The following CTNNA2 variants were observed in gnomAD, a reference collection of about 807,000 sequenced individuals.
The protein encoded by CTNNA2 is catenin alpha-2.
Under a neutral mutation model 101.0 loss-of-function variants are expected in CTNNA2, and 42 were observed. The ratio of observed to expected loss-of-function variants is 0.42; its 90% CI spans 0.32 to 0.54. The LOEUF (loss-of-function observed/expected upper bound fraction) is 0.54. Among genes scored for constraint, CTNNA2 ranks in the 20% least tolerant of loss-of-function variants. The pLI is 0.14. For synonymous variants in CTNNA2, 450 were observed against 456.4 expected, an observed-to-expected ratio of 0.99 and a Z score of 0.18; for missense variants, 871 against 1,223.1, an observed-to-expected ratio of 0.71 and a Z score of 4.29.
At chr2:80,544,379 C>G (rs1691854213) in intron 9 of CTNNA2, among the ~76,000 whole-genome samples, 1 of 152,032 alleles carries the variant, frequency 6.6e-6, no homozygotes, top group South Asian at 2.1e-4. Context: ...TGTCTTTATA[C>G]TAGATCTGCA....
intron 7 of CTNNA2, among the ~76,000 whole-genome samples, chr2:80,171,425 T>A (rs1422369351): frequency 6.6e-6 from 1 of 152,194 alleles, no homozygotes; most frequent in East Asian, 1.9e-4. Flanking sequence ...ACAGCAAGGT[T>A]CTATAAAAGT....
chr2:79,325,016 G>A (rs957537850), intron 3 of CTNNA2, among the ~76,000 whole-genome samples: 3 of 152,058 alleles, frequency 2.0e-5, no homozygotes, highest in Non-Finnish European at 4.4e-5. Flanking sequence ...TCAAATCCCC[G>A]GCTTTCTGAA....
chr2:79,522,355 G>A (rs1219914629), intron 1 of CTNNA2, among the ~76,000 whole-genome samples: 1 of 152,138 alleles, frequency 6.6e-6, no homozygotes, highest in African/African-American at 2.4e-5. Flanking sequence ...ACTGTTTTGA[G>A]GGGCACGGTC....
At chr2:80,470,512 T>A (rs1412560587) in intron 9 of CTNNA2, among the ~76,000 whole-genome samples, 1 of 152,100 alleles carries the variant, frequency 6.6e-6, no homozygotes, top group Non-Finnish European at 1.5e-5. Context: ...AAAACAGCAG[T>A]GTCCCCTACA....
intron 3 of CTNNA2, among the ~76,000 whole-genome samples, chr2:79,364,890 G>C (rs1677710206): frequency 6.6e-6 from 1 of 152,046 alleles, no homozygotes; most frequent in South Asian, 2.1e-4. Flanking sequence ...TTGTTTCTTT[G>C]CTTACAAAAC....
At chr2:79,241,334 A>AT (rs1337166967) in intron 2 of CTNNA2, among the ~76,000 whole-genome samples, 1 of 152,226 alleles carries the variant, frequency 6.6e-6, no homozygotes, top group East Asian at 1.9e-4. Context: ...TGAGAATGAC[A>AT]TAACACTAAA....
chr2:79,809,186 C>G (rs1031955302), intron 3 of CTNNA2, among the ~76,000 whole-genome samples: 1 of 152,092 alleles, frequency 6.6e-6, no homozygotes, highest in Non-Finnish European at 1.5e-5. Context: ...ATCCAGTCTA[C>G]CATTCATGGG....
At chr2:80,304,647 G>C (rs1171115377) in intron 7 of CTNNA2, 3 of 152,986 alleles carry the variant, frequency 2.0e-5, no homozygotes, top group African/African-American at 7.2e-5. Context: ...CGGTGGGGAG[G>C]TGCGGACGGC....
chr2:80,532,743 T>G (rs975953531), intron 9 of CTNNA2, among the ~76,000 whole-genome samples: 4 of 152,262 alleles, frequency 2.6e-5, no homozygotes, highest in African/African-American at 4.8e-5. Flanking sequence ...GTGTGTGTGT[T>G]TTTTTTAAAG....
chr2:79,955,828 A>G (rs913298093), intron 7 of CTNNA2, among the ~76,000 whole-genome samples: 3 of 152,098 alleles, frequency 2.0e-5, no homozygotes, highest in South Asian at 4.1e-4. Context: ...CAGGGGACCT[A>G]TGGGTTCACA....
chr2:80,434,485 C>CTTTTTTTTT (rs1169944635), intron 9 of CTNNA2, among the ~76,000 whole-genome samples: 8 of 89,994 alleles, frequency 8.9e-5, no homozygotes, highest in African/African-American at 2.0e-4. Flanking sequence ...TTCTGTGTCT[C>CTTTTTTTTT]TTTTTTTTTT....
At chr2:80,125,003 T>A (rs560700954) in intron 7 of CTNNA2, among the ~76,000 whole-genome samples, 27 of 152,228 alleles carry the variant, frequency 1.8e-4, no homozygotes, top group South Asian at 6.2e-4. Context: ...CGGTGCTGAT[T>A]TGCCAGCTTG....
rs187202387 is a variant in CTNNA2 at position 79,627,595 on chromosome 2, T to C, written c.-5-23957T>C. Among the ~76,000 whole-genome samples, 8 of 152,332 alleles carry C rather than the reference T, an allele frequency of 5.3e-5. No individual in the cohort carries two copies. In the East Asian group the frequency reaches 1.5e-3, roughly 29 times the overall value. ...TGTCTTTATAAACATATGGTCTATC[T>C]CCCGTGTAATATCATGGTACATCTC... is the stretch of plus-strand genomic sequence containing the variant. On this transcript the variant is annotated intron_variant, in intron 1 of 18. Coordinates refer to ENST00000402739, the MANE Select transcript of CTNNA2 (RefSeq NM_001282597.3).
chr2:79,231,143 A>G (rs967568546), intron 2 of CTNNA2, among the ~76,000 whole-genome samples: 4 of 152,150 alleles, frequency 2.6e-5, no homozygotes, highest in African/African-American at 9.7e-5. Flanking sequence ...ATGTGAGGAC[A>G]TGAGATTTGG....
At chr2:80,055,095 T>C (rs1225641004) in intron 7 of CTNNA2, among the ~76,000 whole-genome samples, 5 of 152,110 alleles carry the variant, frequency 3.3e-5, no homozygotes, top group African/African-American at 9.7e-5. Context: ...GATGGGATCC[T>C]AGTTCGAACT....
intron 7 of CTNNA2, among the ~76,000 whole-genome samples, chr2:80,038,956 G>T (rs1695853026): frequency 6.6e-6 from 1 of 152,220 alleles, no homozygotes; most frequent in Non-Finnish European, 1.5e-5. Context: ...CCTCAGGGCT[G>T]GGAGGAAAGA....
At chr2:79,525,841 A>G (rs1672372596) in intron 1 of CTNNA2, among the ~76,000 whole-genome samples, 1 of 152,018 alleles carries the variant, frequency 6.6e-6, no homozygotes, top group African/African-American at 2.4e-5. Flanking sequence ...CATAAGGATG[A>G]GTTAAAGTAA....
chr2:79,510,694 A>G (rs907158116), upstream of CTNNA2, among the ~76,000 whole-genome samples: 1 of 152,222 alleles, frequency 6.6e-6, no homozygotes, highest in African/African-American at 2.4e-5. Context: ...GAACTGAGGG[A>G]GACCAAGGGT....
intron 2 of CTNNA2, among the ~76,000 whole-genome samples, chr2:79,664,675 A>G (rs1682270049): frequency 6.8e-6 from 1 of 146,112 alleles, no homozygotes; most frequent in Admixed American, 6.8e-5. Flanking sequence ...TATATTGCTA[A>G]TTTGTAAATT....
Sources: allele counts gnomAD v4.1 joint callset (sites outside exome capture counted in the v4.1 genomes callset), GRCh38; gene constraint gnomAD v4.1.1; transcripts MANE v1.5; gene names NCBI Gene and HGNC (gene_info 2026-07-23, HGNC 2026-07-21).